The following PRICKLE1 variants were observed in gnomAD, a reference collection of about 807,000 sequenced individuals.
The protein encoded by PRICKLE1 is prickle planar cell polarity protein 1, also known as prickle-like protein 1.
In PRICKLE1, 14 loss-of-function variants were observed where a neutral mutation model predicts 70.2. That is an observed-to-expected ratio of 0.20 (90% CI 0.13 to 0.31). The LOEUF (loss-of-function observed/expected upper bound fraction) is 0.31, where lower values mean the gene tolerates loss of function less well. PRICKLE1 is among the 10% of genes least tolerant of loss of function. The pLI is 1.00. For missense variants in PRICKLE1, 821 were observed against 1,026.2 expected, an observed-to-expected ratio of 0.80 and a Z score of 2.73; for synonymous variants, 357 against 379.9, an observed-to-expected ratio of 0.94 and a Z score of 0.70.
intron 1 of PRICKLE1, among the ~76,000 whole-genome samples, chr12:42,523,182 T>A (rs1312444032): frequency 6.6e-6 from 1 of 152,190 alleles, no homozygotes; most frequent in Non-Finnish European, 1.5e-5. Context: ...TTAGCCAGGA[T>A]GGTCTCGAAC....
At chr12:42,579,567 C>T (rs1940863712) in intron 1 of PRICKLE1, among the ~76,000 whole-genome samples, 1 of 152,018 alleles carries the variant, frequency 6.6e-6, no homozygotes, top group Admixed American at 6.6e-5. Context: ...TGCAAACAAC[C>T]CAGGTAGATA....
chr12:42,496,664 T>C (rs1199386914), intron 1 of PRICKLE1, among the ~76,000 whole-genome samples: 2 of 152,244 alleles, frequency 1.3e-5, no homozygotes, highest in Non-Finnish European at 2.9e-5. Flanking sequence ...CTGCAGCTTC[T>C]CCATCACCAC....
intron 1 of PRICKLE1, among the ~76,000 whole-genome samples, chr12:42,563,291 C>T (rs958385611): frequency 4.6e-5 from 7 of 151,816 alleles, no homozygotes; most frequent in South Asian, 2.1e-4. Flanking sequence ...TCCAGCAGGA[C>T]GAGAAAGAAG....
At chr12:42,506,259 C>CTTTT (rs5797804) in intron 1 of PRICKLE1, among the ~76,000 whole-genome samples, 4 of 121,140 alleles carry the variant, frequency 3.3e-5, no homozygotes, top group African/African-American at 3.4e-5. Context: ...TTCTTTCTTT[C>CTTTT]TTTTTTTTTT....
intron 5 of PRICKLE1, among the ~76,000 whole-genome samples, chr12:42,467,037 C>G (rs1170545048): frequency 6.6e-6 from 1 of 152,184 alleles, no homozygotes; most frequent in Non-Finnish European, 1.5e-5. Flanking sequence ...ACCACCATGC[C>G]CAGCTAATTT....
chr12:42,478,224 T>C (rs1938646944), intron 1 of PRICKLE1, among the ~76,000 whole-genome samples: 1 of 152,174 alleles, frequency 6.6e-6, no homozygotes. Flanking sequence ...TCTTGACTAT[T>C]CTAAGGCAGA....
intron 1 of PRICKLE1, among the ~76,000 whole-genome samples, chr12:42,587,796 TC>T (rs1941007354): frequency 6.6e-6 from 1 of 152,178 alleles, no homozygotes; most frequent in Non-Finnish European, 1.5e-5. Context: ...AAGTTTAAAA[TC>T]CCCTGGTGGG....
At chr12:42,476,140 A>G (rs980142701) in intron 1 of PRICKLE1, among the ~76,000 whole-genome samples, 3 of 149,980 alleles carry the variant, frequency 2.0e-5, no homozygotes, top group Admixed American at 1.3e-4. Flanking sequence ...CACTGGGACC[A>G]GGCTGTGCTA....
intron 1 of PRICKLE1, among the ~76,000 whole-genome samples, chr12:42,562,131 A>G (rs1940527409): frequency 6.6e-6 from 1 of 152,096 alleles, no homozygotes; most frequent in African/African-American, 2.4e-5. Context: ...GCTGGTCTCA[A>G]ACTCCTGACT....
chr12:42,506,861 G>A (rs976419331), intron 1 of PRICKLE1, among the ~76,000 whole-genome samples: 4 of 152,034 alleles, frequency 2.6e-5, no homozygotes, highest in Admixed American at 6.6e-5. Flanking sequence ...GTGAGCCACC[G>A]CACCTGGCCA....
chr12:42,556,876 A>G (rs1225353368), intron 1 of PRICKLE1, among the ~76,000 whole-genome samples: 2 of 152,234 alleles, frequency 1.3e-5, no homozygotes, highest in African/African-American at 4.8e-5. Context: ...CTGAGCACCT[A>G]CAATGTGCCA....
chr12:42,515,081 A>ACT (rs970444276), intron 1 of PRICKLE1, among the ~76,000 whole-genome samples: 2 of 151,372 alleles, frequency 1.3e-5, no homozygotes, highest in African/African-American at 4.9e-5. Flanking sequence ...ACCACGCCTG[A>ACT]CTAACTTTTC....
intron 1 of PRICKLE1, among the ~76,000 whole-genome samples, chr12:42,481,094 T>C (rs1448829656): frequency 3.3e-5 from 5 of 152,174 alleles, no homozygotes; most frequent in African/African-American, 1.2e-4. Flanking sequence ...TATTAGGTGA[T>C]TGACATACCA....
chr12:42,563,426 G>A (rs902240268), intron 1 of PRICKLE1, among the ~76,000 whole-genome samples: 2 of 151,840 alleles, frequency 1.3e-5, no homozygotes, highest in African/African-American at 2.4e-5. Context: ...TTGGCCGGGC[G>A]TGGTGGGTCA....
intron 1 of PRICKLE1, among the ~76,000 whole-genome samples, chr12:42,588,021 A>G (rs1191065608): frequency 6.6e-6 from 1 of 152,170 alleles, no homozygotes; most frequent in Non-Finnish European, 1.5e-5. Flanking sequence ...CCGGCTCCCA[A>G]GGGGCTAGAG....
intron 1 of PRICKLE1, among the ~76,000 whole-genome samples, chr12:42,497,198 A>C (rs1477428871): frequency 6.6e-6 from 1 of 152,144 alleles, no homozygotes; most frequent in African/African-American, 2.4e-5. Context: ...AAAGCCAAGG[A>C]GGAGGAGAAA....
chr12:42,578,300 ATTGT>A (rs764634778), intron 1 of PRICKLE1, among the ~76,000 whole-genome samples: 3 of 152,106 alleles, frequency 2.0e-5, no homozygotes, highest in African/African-American at 7.2e-5. Flanking sequence ...AAATCAGGAG[ATTGT>A]TTGAGTGAAA....
intron 1 of PRICKLE1, among the ~76,000 whole-genome samples, chr12:42,510,615 A>G (rs1269846561): frequency 6.6e-6 from 1 of 152,094 alleles, no homozygotes; most frequent in Non-Finnish European, 1.5e-5. Context: ...ATTGGCTTTC[A>G]TTTGTATTTT....
chr12:42,519,313 C>T (rs1043812608), intron 1 of PRICKLE1, among the ~76,000 whole-genome samples: 2 of 150,442 alleles, frequency 1.3e-5, no homozygotes. Flanking sequence ...TCTCCTGCCT[C>T]GGCCTCCCGA....
Sources: gnomAD v4.1 joint callset for allele counts (sites outside exome capture counted in the v4.1 genomes callset) on GRCh38, gnomAD v4.1.1 for gene constraint, MANE v1.5 for transcripts, NCBI Gene and HGNC (gene_info 2026-07-23, HGNC 2026-07-21) for gene names.